The following VASP variants were observed in gnomAD, a reference collection of about 807,000 sequenced individuals.
VASP encodes the protein vasodilator stimulated phosphoprotein, also known as vasodilator-stimulated phosphoprotein.
Under a neutral mutation model 54.4 loss-of-function variants are expected in VASP, and 27 were observed. The ratio of observed to expected loss-of-function variants is 0.50; its 90% CI spans 0.37 to 0.68. The LOEUF (loss-of-function observed/expected upper bound fraction) is 0.68, where lower values mean the gene tolerates loss of function less well. Among genes scored for constraint, VASP ranks in the 30% least tolerant of loss-of-function variants. The pLI, the probability that VASP is intolerant of heterozygous loss-of-function variation, is 0.00. For missense variants in VASP, 488 were observed against 528.3 expected (o/e 0.92, Z 0.75); for synonymous variants, 233 against 209.8 (o/e 1.11, Z -0.96).
At chr19:45,523,904 A>T (rs746670135) in intron 9 of VASP, 27 bp downstream of exon 9, 12 of 1,613,702 alleles carry the variant, frequency 7.4e-6, no homozygotes, top group Non-Finnish European at 9.3e-6. Context: ...GTCCAGCCAC[A>T]GGAACTACAA....
chr19:45,522,903 TTTG>T, intron 7 of VASP, 85 bp downstream of exon 7: 1 of 1,346,216 alleles, frequency 7.4e-7, no homozygotes, highest in South Asian at 1.4e-5. Context: ...TCCTGTTTAG[TTTG>T]TTTCTTTTGG....
chr19:45,514,614 C>G (rs1316904155), intron 1 of VASP, among the ~76,000 whole-genome samples: 1 of 152,230 alleles, frequency 6.6e-6, no homozygotes, highest in Non-Finnish European at 1.5e-5. Flanking sequence ...AGCAGGCGCC[C>G]TGTTCTCCGG....
At position 45,524,670 on chromosome 19, in the gene VASP, G is replaced by T. The variant is rs761738291; in HGVS notation, c.1047+10G>T. ...ACAGAGGGTGAAACAGGTAACTTGG[G>T]GGGGAAGTTGGGGACCACAGCAAGA... On this transcript the variant is annotated intron_variant, in intron 11 of 12. Coordinates refer to ENST00000245932, the MANE Select transcript of VASP (RefSeq NM_003370.4). The T allele has an allele frequency of 6.2e-6, 10 of 1,612,846 alleles. No individual in the cohort carries two copies. Among genetic ancestry groups the T allele is most frequent in the Non-Finnish European group, 7.6e-6 (9 of 1,179,182 alleles).
intron 3 of VASP, among the ~76,000 whole-genome samples, chr19:45,518,983 C>T (rs1241753179): frequency 6.6e-6 from 1 of 151,988 alleles, no homozygotes; most frequent in Non-Finnish European, 1.5e-5. Flanking sequence ...AGGCATGTGC[C>T]ACCATGCCCA....
At chr19:45,524,217 C>A in intron 10 of VASP, 75 bp downstream of exon 10, 2 of 1,554,902 alleles carry the variant, frequency 1.3e-6, no homozygotes, top group Non-Finnish European at 1.8e-6. Context: ...TCAAGACCAG[C>A]CTGGGCAACA....
chr19:45,522,178 G>A lies in VASP; in HGVS notation c.439G>A (p.Gly147Ser), dbSNP rs200406972. ...CGCCTCCCCCCACAGGCAGCAGCCC[G>A]GCCCGTCGGAGCACATAGAGCGCCG... ...EVEQQKRQQP[G>S]PSEHIERRVS... Residue 147 changes from glycine (G) to serine (S), a missense_variant, in exon 5 of 13, where the codon GGC becomes AGC. Transcript: ENST00000245932. The A allele has an allele frequency of 5.6e-6, 9 of 1,613,948 alleles. No homozygotes were observed. The African/African-American group carries it at 6.7e-5, about 12-fold the overall frequency.
chr19:45,523,189 AATTTTTTTTTTT>A (rs1281038633), intron 7 of VASP, among the ~76,000 whole-genome samples: 11 of 106,970 alleles, frequency 1.0e-4, no homozygotes, highest in Non-Finnish European at 2.0e-4. Flanking sequence ...CAATCTCTTG[AATTTTTTTTTTT>A]TTTTTTTTTT....
chr19:45,517,276 GAC>G (rs1968723032), intron 1 of VASP, among the ~76,000 whole-genome samples: 2 of 151,988 alleles, frequency 1.3e-5, no homozygotes, highest in South Asian at 4.2e-4. Context: ...ACAGGTGTGA[GAC>G]ACCACGCCAA....
intron 11 of VASP, among the ~76,000 whole-genome samples, chr19:45,525,474 G>A (rs900652806): frequency 2.0e-5 from 3 of 152,138 alleles, no homozygotes; most frequent in Admixed American, 1.3e-4. Context: ...TGATGGGGAC[G>A]GATCACGTGA....
intron 1 of VASP, among the ~76,000 whole-genome samples, chr19:45,515,749 G>A (rs1037431716): frequency 6.6e-6 from 1 of 152,062 alleles, no homozygotes; most frequent in Non-Finnish European, 1.5e-5. Context: ...TGTTGCCCAG[G>A]CTGGTCTCGA....
chr19:45,516,983 CAAAAAA>C (rs112095290), intron 1 of VASP, among the ~76,000 whole-genome samples: 16 of 57,868 alleles, frequency 2.8e-4, no homozygotes, highest in African/African-American at 8.3e-4. Flanking sequence ...GACTCTGTCT[CAAAAAA>C]AAAAAAAAAA....
Position 45,523,684 on chromosome 19 carries a change from G to C in VASP, c.862G>C (p.Glu288Gln). ...AGTTGGGGAGAAAACCCCCAAGGAT[G>C]AATCTGCCAATGTAAGTCAGGGACT... is the stretch of plus-strand genomic sequence containing the variant. ...TQVGEKTPKD[E>Q]SANQEEPEAR... The change falls in exon 8 of 13, where the codon GAA becomes CAA. Residue 288 changes from glutamate to glutamine, a missense_variant. This residue lies in a region of VASP where 126 missense variants were observed against 134.8 expected (regional missense o/e 0.94). Transcript: ENST00000245932. The C allele has an allele frequency of 1.2e-6, 2 of 1,614,114 alleles. No individual in the cohort carries two copies. The highest frequency in any genetic ancestry group is 1.7e-6 in the Non-Finnish European group (2 of 1,180,026).
At chr19:45,519,596 CTT>C (rs35957572) in intron 3 of VASP, among the ~76,000 whole-genome samples, 30 of 123,226 alleles carry the variant, frequency 2.4e-4, no homozygotes, top group African/African-American at 4.0e-4. Context: ...AGCCCAGTTG[CTT>C]TTTTTTTTTT....
In VASP at chr19:45,526,394, C is replaced by G. The variant is rs920844138; in HGVS notation, c.*217C>G. The G allele has an allele frequency of 1.8e-6, 1 of 545,106 alleles. No homozygotes were observed. The highest frequency in any genetic ancestry group is 3.1e-6 in the Non-Finnish European group (1 of 320,314). The allele number at this position is 545,106 out of a possible 1,614,324, so 33.8% of individuals were successfully genotyped here. ...TGGGGAGGCCCCCGCCCTTTTCTCC[C>G]TTTGGTCCTTCCCCTCTGCCATCCC... On this transcript the variant is annotated 3_prime_UTR_variant, in exon 13 of 13. Transcript: ENST00000245932.
chr19:45,511,993 A>G (rs1324940625), intron 1 of VASP, among the ~76,000 whole-genome samples: 1 of 152,078 alleles, frequency 6.6e-6, no homozygotes, highest in Admixed American at 6.6e-5. Flanking sequence ...AATCCCGGAC[A>G]CTCAGAAGGC....
chr19:45,522,518 G>A lies in VASP; in HGVS notation c.657G>A (p.Gly219=). ...PLPAAQGPGG[G]GAGAPGLAAA... ...CGGCAGCACAGGGCCCTGGTGGTGGGGGAGCTGGGGCCCCAGGCCTGGCCG... is the reference window on the plus strand; with the variant it reads ...CGGCAGCACAGGGCCCTGGTGGTGGAGGAGCTGGGGCCCCAGGCCTGGCCG... The change falls in exon 6 of 13, where the codon GGG becomes GGA. Residue 219 remains glycine (G), a synonymous_variant. Coordinates refer to ENST00000245932, the MANE Select transcript of VASP (RefSeq NM_003370.4). The A allele has an allele frequency of 6.9e-7, 1 of 1,456,564 alleles. No homozygotes were observed. The highest frequency in any genetic ancestry group is 9.0e-7 in the Non-Finnish European group (1 of 1,109,244). 90.2% of individuals were successfully genotyped at this position (1,456,564 alleles called of 1,614,324 possible).
chr19:45,524,044 A>T (rs1660539924), intron 9 of VASP, 53 bp from the exon 10 acceptor site: 1 of 1,599,350 alleles, frequency 6.3e-7, no homozygotes, highest in Non-Finnish European at 8.5e-7. Context: ...AGTAAGATTG[A>T]TTGGGGGGCA....
intron 1 of VASP, among the ~76,000 whole-genome samples, chr19:45,508,851 G>C (rs1968543372): frequency 6.6e-6 from 1 of 152,184 alleles, no homozygotes; most frequent in African/African-American, 2.4e-5. Context: ...TGGTCTGGCC[G>C]GGGCCTCCCC....
At chr19:45,513,897 T>C (rs995877218) in intron 1 of VASP, among the ~76,000 whole-genome samples, 1 of 152,174 alleles carries the variant, frequency 6.6e-6, no homozygotes, top group Non-Finnish European at 1.5e-5. Context: ...GTTTCGTAAC[T>C]ATTGAGTCCC....
Sources: gnomAD v4.1 joint callset for allele counts (sites outside exome capture counted in the v4.1 genomes callset) on GRCh38, gnomAD v4.1.1 for gene constraint, gnomAD v4.1.1 regional missense constraint, MANE v1.5 for transcripts, NCBI Gene and HGNC (gene_info 2026-07-23, HGNC 2026-07-21) for gene names.